The following ZC3H18 variants were observed in gnomAD, a reference collection of about 807,000 sequenced individuals.
ZC3H18 encodes the protein zinc finger CCCH domain-containing protein 18.
Under a neutral mutation model 106.1 loss-of-function variants are expected in ZC3H18, and 8 were observed. That is an observed-to-expected ratio of 0.08 (90% CI 0.04 to 0.14). ZC3H18 has a LOEUF of 0.14. Among genes scored for constraint, ZC3H18 ranks in the 10% least tolerant of loss-of-function variants. The pLI, the probability that ZC3H18 is intolerant of heterozygous loss-of-function variation, is 1.00. For missense variants in ZC3H18, 1,318 were observed against 1,278.4 expected (o/e 1.03, Z -0.47); for synonymous variants, 635 against 522.1 (o/e 1.22, Z -2.95).
chr16:88,602,987 C>G (rs574464141), intron 6 of ZC3H18, among the ~76,000 whole-genome samples: 2 of 149,568 alleles, frequency 1.3e-5, no homozygotes, highest in East Asian at 4.0e-4. Context: ...TTTTTTGAGA[C>G]GGAGTCTCGC....
At position 88,627,824 on chromosome 16, in the gene ZC3H18, G is replaced by A; in HGVS notation, c.2269+42G>A. ...GTACCTTTGGGGAGCAGCTCCCGGG[G>A]GAGGAGGGCGGCATCAGCACAGACT... On this transcript the variant is annotated intron_variant, in intron 14 of 17. Transcript: ENST00000301011. This position sits in a 1 kb window ranked among gnomAD's most constrained non-coding sequence, Gnocchi z 4.5. The A allele has an allele frequency of 1.2e-6, 2 of 1,610,146 alleles. No individual in the cohort carries two copies. Among genetic ancestry groups the A allele is most frequent in the Non-Finnish European group, 1.7e-6 (2 of 1,177,208 alleles).
intron 2 of ZC3H18, among the ~76,000 whole-genome samples, chr16:88,584,196 C>T (rs2142571155): frequency 6.6e-6 from 1 of 152,190 alleles, no homozygotes; most frequent in South Asian, 2.1e-4. Context: ...CCAAGGCGGG[C>T]AGATCACCTG....
chr16:88,621,374 G>A (rs1905948443), intron 8 of ZC3H18, among the ~76,000 whole-genome samples: 2 of 152,120 alleles, frequency 1.3e-5, no homozygotes, highest in South Asian at 2.1e-4. Flanking sequence ...ACAGGCGCCT[G>A]CCACCACGCC....
At chr16:88,579,078 C>G (rs1335765848) in intron 2 of ZC3H18, among the ~76,000 whole-genome samples, 1 of 152,222 alleles carries the variant, frequency 6.6e-6, no homozygotes, top group Non-Finnish European at 1.5e-5. Flanking sequence ...CTCTGTGGCA[C>G]TGCTCAGTAA....
intron 2 of ZC3H18, among the ~76,000 whole-genome samples, chr16:88,580,182 G>T (rs1915026170): frequency 1.4e-5 from 1 of 70,038 alleles, no homozygotes; most frequent in African/African-American, 4.2e-5. Context: ...GTGTGTGTGT[G>T]TGTGTGTGTG....
chr16:88,620,318 G>A (rs1905878844), intron 8 of ZC3H18, among the ~76,000 whole-genome samples: 1 of 152,198 alleles, frequency 6.6e-6, no homozygotes, highest in Admixed American at 6.5e-5. Flanking sequence ...GCCAGGCATG[G>A]CGGCTCAAGC....
intron 1 of ZC3H18, among the ~76,000 whole-genome samples, chr16:88,572,954 T>G (rs1399418027): frequency 1.3e-5 from 2 of 151,986 alleles, no homozygotes; most frequent in Non-Finnish European, 2.9e-5. Context: ...GACAGGGGTT[T>G]CACTGTGTTG....
chr16:88,577,819 C>T, intron 2 of ZC3H18, 93 bp downstream of exon 2: 2 of 1,592,096 alleles, frequency 1.3e-6, no homozygotes, highest in South Asian at 2.3e-5. Context: ...GTGGGACTGA[C>T]TTAGTGATTT....
At position 88,630,754 on chromosome 16, in the gene ZC3H18, CCA is replaced by C. The variant is rs1567602486; in HGVS notation, c.2663+175_2663+176del. 2.4e-4 allele frequency among the ~76,000 whole-genome samples: 22 copies of C among 90,266 alleles called. 3 individuals carry two copies. In the East Asian group the frequency reaches 2.9e-3, roughly 12 times the overall value. The allele number at this position is 90,266 out of a possible 152,430, so 59.2% of individuals were successfully genotyped here. A position where few individuals can be genotyped will look rare whatever the true frequency, so the allele number is the denominator to read the frequency against. The stretch of plus-strand genomic sequence containing the variant: ...GGACAGCGAATTGCAGCCCCACCCC[CCA>C]CCCCCCCCCACACACACACACACGC... On this transcript the variant is annotated intron_variant, in intron 17 of 17. Transcript: ENST00000301011.
chr16:88,600,033 G>T, intron 6 of ZC3H18, 85 bp downstream of exon 6: 1 of 1,527,602 alleles, frequency 6.5e-7, no homozygotes, highest in Non-Finnish European at 8.9e-7. Flanking sequence ...AGGGCCCCAG[G>T]GTGCGCTCGG....
intron 8 of ZC3H18, among the ~76,000 whole-genome samples, chr16:88,616,427 G>A (rs1419263513): frequency 6.6e-6 from 1 of 152,200 alleles, no homozygotes; most frequent in African/African-American, 2.4e-5. Context: ...CAGGGCTGAC[G>A]TTCTCTGCGT....
chr16:88,608,745 C>T (rs1464723012), intron 6 of ZC3H18, 189 bp from the exon 7 acceptor site: 2 of 474,224 alleles, frequency 4.2e-6, no homozygotes, highest in Non-Finnish European at 7.8e-6. Context: ...GTGAATAGAA[C>T]CCTTTGACTT....
At chr16:88,602,867 T>C (rs939604327) in intron 6 of ZC3H18, among the ~76,000 whole-genome samples, 5 of 152,228 alleles carry the variant, frequency 3.3e-5, no homozygotes, top group African/African-American at 1.2e-4. Flanking sequence ...CTTTGCTTAC[T>C]ACAGGATGGA....
At chr16:88,619,239 A>G (rs937694748) in intron 8 of ZC3H18, among the ~76,000 whole-genome samples, 1 of 151,958 alleles carries the variant, frequency 6.6e-6, no homozygotes, top group East Asian at 1.9e-4. Context: ...GCACCACCGT[A>G]CTCCAGCCTG....
chr16:88,573,897 AGTTTT>A (rs1390256888), intron 1 of ZC3H18, among the ~76,000 whole-genome samples: 1 of 151,032 alleles, frequency 6.6e-6, no homozygotes, highest in Non-Finnish European at 1.5e-5. Context: ...TTTGAGACGG[AGTTTT>A]GCTCTTTTTG....
chr16:88,599,717 G>A, intron 5 of ZC3H18, 74 bp from the exon 6 acceptor site: 1 of 1,527,012 alleles, frequency 6.5e-7, no homozygotes, highest in Admixed American at 2.0e-5. Flanking sequence ...GGGTGGGACG[G>A]CTCCCTTTGT....
intron 8 of ZC3H18, among the ~76,000 whole-genome samples, chr16:88,616,531 A>C (rs1297048010): frequency 6.6e-6 from 1 of 152,130 alleles, no homozygotes; most frequent in African/African-American, 2.4e-5. Flanking sequence ...CAGGCCCGCT[A>C]CCTGCCTGGA....
intron 7 of ZC3H18, among the ~76,000 whole-genome samples, chr16:88,610,315 C>T (rs941797130): frequency 2.6e-5 from 4 of 152,128 alleles, no homozygotes; most frequent in African/African-American, 7.2e-5. Flanking sequence ...GGACCAGGTG[C>T]GGCTGTCTCC....
chr16:88,584,851 A>G (rs546350743), intron 2 of ZC3H18, among the ~76,000 whole-genome samples: 19 of 152,300 alleles, frequency 1.2e-4, no homozygotes, highest in African/African-American at 4.6e-4. Flanking sequence ...TTTCCTATTC[A>G]TCCTGATGCG....
Sources: gnomAD v4.1 joint callset for allele counts (sites outside exome capture counted in the v4.1 genomes callset) on GRCh38, gnomAD v4.1.1 for gene constraint, Gnocchi (gnomAD v3.1) non-coding constraint, MANE v1.5 for transcripts, NCBI Gene and HGNC (gene_info 2026-07-23, HGNC 2026-07-21) for gene names.